DKK3: variants seen among roughly 807,000 people sequenced by gnomAD.
DKK3 encodes dickkopf Wnt signaling pathway inhibitor 3, also known as dickkopf-related protein 3.
Under a neutral mutation model 33.2 loss-of-function variants are expected in DKK3, and 22 were observed. That is an observed-to-expected ratio of 0.66 (90% confidence interval 0.47 to 0.95). The LOEUF is 0.95. DKK3 is among the 40% of genes least tolerant of loss of function. DKK3 has a pLI of 0.00. For synonymous variants in DKK3, 194 were observed against 188.8 expected, an observed-to-expected ratio of 1.03 and a Z score of -0.23; for missense variants, 398 against 458.4, an observed-to-expected ratio of 0.87 and a Z score of 1.20.
At chr11:12,005,513 C>T (rs1162267086) in intron 1 of DKK3, among the ~76,000 whole-genome samples, 1 of 152,168 alleles carries the variant, frequency 6.6e-6, no homozygotes, top group Non-Finnish European at 1.5e-5. Context: ...TGATTGGTAG[C>T]ATATAGAATA....
At chr11:11,986,387 G>A (rs1848071389) in intron 3 of DKK3, among the ~76,000 whole-genome samples, 1 of 152,178 alleles carries the variant, frequency 6.6e-6, no homozygotes, top group South Asian at 2.1e-4. Flanking sequence ...CAGCAAGTCT[G>A]ACACCCCATC....
At chr11:11,992,648 T>C (rs1243835663) in intron 3 of DKK3, among the ~76,000 whole-genome samples, 1 of 152,184 alleles carries the variant, frequency 6.6e-6, no homozygotes, top group Non-Finnish European at 1.5e-5. Flanking sequence ...CTGACCTTTC[T>C]CCCTGACAAA....
intron 1 of DKK3, among the ~76,000 whole-genome samples, chr11:12,003,982 G>A (rs1848484973): frequency 6.6e-6 from 1 of 152,168 alleles, no homozygotes; most frequent in Non-Finnish European, 1.5e-5. Flanking sequence ...TTCTGTGCTG[G>A]ATTCTGAGAT....
chr11:11,976,348 A>G (rs11022099), intron 3 of DKK3, among the ~76,000 whole-genome samples: 31,711 of 152,208 alleles, frequency 0.21, 4,234 homozygotes, highest in African/African-American at 0.38. Context: ...ACGGAACAAG[A>G]AAAAACAGAC....
At chr11:11,966,233 G>T (rs1023894196) in intron 5 of DKK3, among the ~76,000 whole-genome samples, 2 of 152,210 alleles carry the variant, frequency 1.3e-5, no homozygotes, top group East Asian at 3.8e-4. Context: ...GAAATTAAGA[G>T]GGAGGCAAAG....
intron 1 of DKK3, among the ~76,000 whole-genome samples, chr11:12,004,796 C>T (rs150414657): frequency 3.9e-5 from 6 of 152,322 alleles, no homozygotes; most frequent in African/African-American, 7.2e-5. Flanking sequence ...GTTTTTATCC[C>T]GTTGCCCTTT....
chr11:11,969,626 G>A (rs1206164086), intron 3 of DKK3, among the ~76,000 whole-genome samples: 2 of 151,992 alleles, frequency 1.3e-5, no homozygotes, highest in Non-Finnish European at 2.9e-5. Context: ...CTTCTGGAAG[G>A]GTCTTGAGGA....
rs763391500 is a variant in DKK3, at chr11:12,008,355, C to T, written c.213+15G>A. 6.3e-7 allele frequency: 1 copy of T among 1,599,524 alleles called. No individual in the cohort carries two copies. The highest frequency in any genetic ancestry group is 8.5e-7 in the Non-Finnish European group (1 of 1,176,830). ...TGGCGCTTCTCAGAGCCCCGCGCCG[C>T]CAGGGCGCACCCACCTCTTCCACCG... On this transcript the variant is annotated intron_variant, in intron 1 of 6. Transcript: ENST00000683431. The surrounding 1 kb of genome is among the most constrained non-coding windows in gnomAD (Gnocchi z 4.6).
chr11:11,978,335 C>A (rs930256834), intron 3 of DKK3, among the ~76,000 whole-genome samples: 3 of 152,150 alleles, frequency 2.0e-5, no homozygotes, highest in African/African-American at 7.2e-5. Context: ...TACCCACTCA[C>A]GACCCCAGAT....
chr11:11,980,900 G>A (rs769194771), intron 3 of DKK3, among the ~76,000 whole-genome samples: 11 of 152,274 alleles, frequency 7.2e-5, no homozygotes, highest in Admixed American at 1.3e-4. Flanking sequence ...TTGGTCACTG[G>A]TGTTTCCAGG....
chr11:11,973,494 T>G (rs938119894), intron 3 of DKK3, among the ~76,000 whole-genome samples: 1 of 152,186 alleles, frequency 6.6e-6, no homozygotes, highest in South Asian at 2.1e-4. Flanking sequence ...CTGCATGGAC[T>G]TCAGCAGCTC....
At position 12,008,299 on chromosome 11, in the gene DKK3, C is replaced by G; in HGVS notation, c.213+71G>C. The G allele has an allele frequency of 9.2e-6, 14 of 1,516,146 alleles. No homozygotes were observed. Among genetic ancestry groups the G allele is most frequent in the Non-Finnish European group, 1.2e-5 (14 of 1,136,198 alleles). 93.9% of individuals were successfully genotyped at this position (1,516,146 alleles called of 1,614,324 possible). A position where few individuals can be genotyped will look rare whatever the true frequency, so the allele number is the denominator to read the frequency against. On this transcript the variant is annotated intron_variant, in intron 1 of 6. Transcript: ENST00000683431. This position sits in a 1 kb window ranked among gnomAD's most constrained non-coding sequence, Gnocchi z 4.6. ...CCGAGGTCCCTGGCCAGCGCTCTTC[C>G]ATGCCTTCCCAGACTTCGCTGCCCC... is the stretch of plus-strand genomic sequence containing the variant.
intron 3 of DKK3, among the ~76,000 whole-genome samples, chr11:11,976,409 C>G (rs1847835120): frequency 6.6e-6 from 1 of 152,274 alleles, no homozygotes; most frequent in Admixed American, 6.5e-5. Flanking sequence ...ATCACCTCAG[C>G]TCGTCCTCAC....
rs549189900 is a variant in DKK3 at position 11,965,754 on chromosome 11, G to A, written c.830+55C>T. The A allele has an allele frequency of 5.7e-6, 9 of 1,586,270 alleles. No individual in the cohort carries two copies. The Admixed American group carries it at 1.6e-4, about 28-fold the overall frequency. On this transcript the variant is annotated intron_variant, in intron 6 of 6. Transcript: ENST00000683431. ...CTGCTCCTGCTCCTACGCCCCTGCT[G>A]GATGGCACCTCCTCAGCCCTTGGCT...
chr11:11,991,592 CCTCT>C (rs375438128), intron 3 of DKK3, among the ~76,000 whole-genome samples: 4 of 150,706 alleles, frequency 2.7e-5, no homozygotes, highest in East Asian at 1.9e-4. Context: ...TGGCACCTCT[CCTCT>C]CTCTCTCTCT....
Position 11,977,061 on chromosome 11 carries a change from A to T in DKK3, c.436-8574T>A, listed in dbSNP as rs1847849268. Among the ~76,000 whole-genome samples the T allele has an allele frequency of 3.3e-5, 5 of 152,042 alleles. No homozygotes were observed. In the South Asian group the frequency reaches 1.0e-3, roughly 32 times the overall value. ...CAGGAGCCCATCAGTGCCAGCTATT[A>T]TTATTCTAAAGTGCCAATGTCTGCA... On this transcript the variant is annotated intron_variant, in intron 3 of 6. Transcript: ENST00000683431.
intron 3 of DKK3, among the ~76,000 whole-genome samples, chr11:11,977,920 T>G (rs1460770437): frequency 6.6e-6 from 1 of 152,226 alleles, no homozygotes; most frequent in Non-Finnish European, 1.5e-5. Flanking sequence ...TAGCCAAATT[T>G]AGCAAATAAT....
Position 11,964,477 on chromosome 11 carries a change from C to T in DKK3, c.1040G>A (p.Gly347Glu), listed in dbSNP as rs1847531030. 3 of 1,612,146 alleles carry T rather than the reference C, an allele frequency of 1.9e-6. No homozygotes were observed. Among genetic ancestry groups the T allele is most frequent in the African/African-American group, 1.3e-5 (1 of 75,066 alleles). ...PAAAAAALLG[G>E]EEI ...CCTGGTCCAGATCTAAATCTCTTCC[C>T]CTCCCAGCAGTGCAGCGGCGGCAGC... The change falls in exon 7 of 7, where the codon GGG becomes GAG. Residue 347 changes from glycine (G) to glutamate (E), a missense_variant. Coordinates refer to ENST00000683431, the MANE Select transcript of DKK3 (RefSeq NM_001018057.2).
intron 3 of DKK3, among the ~76,000 whole-genome samples, chr11:11,996,856 G>C (rs1564921799): frequency 6.6e-6 from 1 of 152,210 alleles, no homozygotes; most frequent in African/African-American, 2.4e-5. Flanking sequence ...AGACTGCATG[G>C]GCAGGTGTGG....
Sources: allele counts gnomAD v4.1 joint callset (sites outside exome capture counted in the v4.1 genomes callset), GRCh38; gene constraint gnomAD v4.1.1; non-coding constraint Gnocchi (gnomAD v3.1); transcripts MANE v1.5; gene names NCBI Gene and HGNC (gene_info 2026-07-23, HGNC 2026-07-21).